The following MAST2 variants were observed in gnomAD, a reference collection of about 807,000 sequenced individuals.
MAST2 encodes the protein microtubule-associated serine/threonine-protein kinase 2.
In MAST2, 70 loss-of-function variants were observed where a neutral mutation model predicts 147.4. The ratio of observed to expected loss-of-function variants is 0.47; its 90% CI spans 0.39 to 0.58. MAST2 has a LOEUF of 0.58. Ranked by LOEUF, MAST2 falls within the 20% of genes least tolerant of loss-of-function variation. The pLI is 0.00. For synonymous variants in MAST2, 869 were observed against 896.8 expected (o/e 0.97, Z 0.55); for missense variants, 2,080 against 2,302.3 (o/e 0.90, Z 1.98).
intron 4 of MAST2, among the ~76,000 whole-genome samples, chr1:45,932,208 AC>A (rs952867048): frequency 2.8e-4 from 43 of 152,218 alleles, no homozygotes; most frequent in African/African-American, 1.0e-3. Context: ...TCAAATTTTA[AC>A]CCTCTGTTTT....
chr1:45,804,498 C>G (rs1400302845), intron 1 of MAST2, among the ~76,000 whole-genome samples: 3 of 152,098 alleles, frequency 2.0e-5, no homozygotes, highest in African/African-American at 4.8e-5. Flanking sequence ...GATGACACTC[C>G]CAAGCATTCT....
At chr1:45,836,482 G>A (rs902598670) in intron 3 of MAST2, among the ~76,000 whole-genome samples, 1 of 152,090 alleles carries the variant, frequency 6.6e-6, no homozygotes, top group African/African-American at 2.4e-5. Context: ...TAGTTGAAAA[G>A]TAATCCCATC....
At chr1:45,921,751 C>T (rs1053421219) in intron 4 of MAST2, among the ~76,000 whole-genome samples, 5 of 152,208 alleles carry the variant, frequency 3.3e-5, no homozygotes, top group African/African-American at 1.2e-4. Context: ...GGGGAGCTCT[C>T]AGGTCTGGTC....
chr1:45,915,583 G>A (rs560307433), intron 4 of MAST2, among the ~76,000 whole-genome samples: 37 of 151,984 alleles, frequency 2.4e-4, no homozygotes, highest in South Asian at 1.0e-3. Context: ...GGTGGCGGGC[G>A]CCTGTAATCC....
Position 45,907,744 on chromosome 1 carries a change from G to C in MAST2, c.500+25349G>C, listed in dbSNP as rs982919033. Among the ~76,000 whole-genome samples the C allele has an allele frequency of 3.9e-4, 60 of 152,028 alleles. 1 individual carries two copies. Among genetic ancestry groups the C allele is most frequent in the Non-Finnish European group, 2.9e-5 (2 of 68,002 alleles). On this transcript the variant is annotated intron_variant, in intron 4 of 28. Coordinates refer to ENST00000361297, the MANE Select transcript of MAST2 (RefSeq NM_015112.3). ...CCCTTCTTCCCTTACCCCAGGCCTT[G>C]GCAGTCTCTGTTCTACTTTCTTTTT...
chr1:46,024,005 A>C, intron 15 of MAST2, 25 bp downstream of exon 15: 2 of 1,608,710 alleles, frequency 1.2e-6, no homozygotes, highest in Non-Finnish European at 1.7e-6. Context: ...GTGGCCTGGC[A>C]TGGAGGCCAA....
chr1:45,865,522 C>G (rs1161264338), intron 3 of MAST2, among the ~76,000 whole-genome samples: 2 of 152,098 alleles, frequency 1.3e-5, no homozygotes, highest in Non-Finnish European at 2.9e-5. Flanking sequence ...GTAGTATATG[C>G]TTGATTCTAT....
In MAST2 at chr1:46,035,247, C is replaced by T. The variant is rs1646853656; in HGVS notation, c.4578C>T (p.His1526=). Residue 1526 remains histidine (H), a synonymous_variant, in exon 29 of 29, where the codon CAC becomes CAT. Transcript: ENST00000361297. The surrounding 1 kb of genome is among the most constrained non-coding windows in gnomAD (Gnocchi z 5.5). ...QGAQELSLAP[H]PEVSQSVAPK... The stretch of plus-strand genomic sequence containing the variant: ...CACAGGAGCTGAGCTTGGCACCTCA[C>T]CCAGAAGTGAGCCAGAGTGTGGCCC... The T allele has an allele frequency of 6.2e-7, 1 of 1,613,972 alleles. No individual in the cohort carries two copies. The highest frequency in any genetic ancestry group is 1.3e-5 in the African/African-American group (1 of 75,038).
At chr1:45,888,227 T>C (rs1158280561) in intron 4 of MAST2, among the ~76,000 whole-genome samples, 1 of 152,232 alleles carries the variant, frequency 6.6e-6, no homozygotes, top group Non-Finnish European at 1.5e-5. Context: ...TCCTCTCTTA[T>C]ACTCTAGCTT....
At chr1:46,025,899 T>C in intron 16 of MAST2, 84 bp downstream of exon 16, 1 of 1,546,826 alleles carries the variant, frequency 6.5e-7, no homozygotes, top group Non-Finnish European at 8.9e-7. Context: ...TAGCTCTAAA[T>C]CTATCCAGAT....
chr1:45,824,061 A>T (rs1644718183), intron 1 of MAST2, among the ~76,000 whole-genome samples: 1 of 152,232 alleles, frequency 6.6e-6, no homozygotes, highest in African/African-American at 2.4e-5. Flanking sequence ...CTACCATTTA[A>T]TGATTTTTTT....
At chr1:45,825,877 G>C (rs1644775942) in intron 2 of MAST2, among the ~76,000 whole-genome samples, 1 of 151,474 alleles carries the variant, frequency 6.6e-6, no homozygotes, top group Admixed American at 6.6e-5. Flanking sequence ...AGGAGTTCAA[G>C]ACCAGCCTGG....
chr1:46,030,855 G>T, intron 22 of MAST2, 94 bp downstream of exon 22: 1 of 1,478,914 alleles, frequency 6.8e-7, no homozygotes, highest in Non-Finnish European at 9.0e-7. Context: ...GAGGAGTGCA[G>T]GTGGCAGGGA....
chr1:46,031,901 T>C lies in MAST2; in HGVS notation c.3188-277T>C, dbSNP rs145442420. 6.6e-6 allele frequency among the ~76,000 whole-genome samples: 1 copy of C among 152,340 alleles called. No individual in the cohort carries two copies. The highest frequency in any genetic ancestry group is 2.4e-5 in the African/African-American group (1 of 41,572). On this transcript the variant is annotated intron_variant, in intron 24 of 28. Coordinates refer to ENST00000361297, the MANE Select transcript of MAST2 (RefSeq NM_015112.3). The surrounding 1 kb of genome is among the most constrained non-coding windows in gnomAD (Gnocchi z 4.1). ...AGTTTCTTATCCAAAAATGTGGATA[T>C]AATAGAGGCCAGCTGATAGGTTGTG...
At chr1:45,920,818 A>G (rs1653334085) in intron 4 of MAST2, among the ~76,000 whole-genome samples, 1 of 152,232 alleles carries the variant, frequency 6.6e-6, no homozygotes, top group South Asian at 2.1e-4. Flanking sequence ...AATTCTCAAA[A>G]TACTCTGATG....
At chr1:45,983,785 C>G (rs1644506032) in intron 5 of MAST2, among the ~76,000 whole-genome samples, 1 of 152,122 alleles carries the variant, frequency 6.6e-6, no homozygotes, top group Non-Finnish European at 1.5e-5. Context: ...AAAATATGTT[C>G]CAAATATGCC....
At chr1:45,898,763 G>C (rs889558217) in intron 4 of MAST2, among the ~76,000 whole-genome samples, 1 of 152,084 alleles carries the variant, frequency 6.6e-6, no homozygotes, top group Non-Finnish European at 1.5e-5. Flanking sequence ...TACCTGAAAG[G>C]GTGCAAAAGG....
At chr1:45,924,449 G>C (rs1209430548) in intron 4 of MAST2, among the ~76,000 whole-genome samples, 1 of 152,092 alleles carries the variant, frequency 6.6e-6, no homozygotes, top group Non-Finnish European at 1.5e-5. Flanking sequence ...AGTGCTACTG[G>C]CAGTGAATTT....
At chr1:45,918,409 G>A (rs1652905449) in intron 4 of MAST2, among the ~76,000 whole-genome samples, 1 of 152,166 alleles carries the variant, frequency 6.6e-6, no homozygotes, top group Non-Finnish European at 1.5e-5. Flanking sequence ...GGGAAATGAG[G>A]CCTGAAGTGT....
Sources: gnomAD v4.1 joint callset for allele counts (sites outside exome capture counted in the v4.1 genomes callset) on GRCh38, gnomAD v4.1.1 for gene constraint, Gnocchi (gnomAD v3.1) non-coding constraint, MANE v1.5 for transcripts, NCBI Gene and HGNC (gene_info 2026-07-23, HGNC 2026-07-21) for gene names.